The following PPP2CA variants were observed in gnomAD, a reference collection of about 807,000 sequenced individuals.
PPP2CA encodes the protein serine/threonine-protein phosphatase 2A catalytic subunit alpha isoform.
PPP2CA carries 5 observed loss-of-function variants against 38.8 expected under a neutral mutation model. That is an observed-to-expected ratio of 0.13 (90% CI 0.07 to 0.27). The LOEUF (loss-of-function observed/expected upper bound fraction) is 0.27, where lower values mean the gene tolerates loss of function less well. Ranked by LOEUF, PPP2CA falls within the 10% of genes least tolerant of loss-of-function variation. PPP2CA has a pLI of 1.00. For missense variants in PPP2CA, 88 were observed against 389.7 expected, an observed-to-expected ratio of 0.23 and a Z score of 6.52; for synonymous variants, 152 against 134.0, an observed-to-expected ratio of 1.13 and a Z score of -0.93.
chr5:134,201,291 C>T (rs750406468), intron 3 of PPP2CA, among the ~76,000 whole-genome samples: 6 of 152,162 alleles, frequency 3.9e-5, no homozygotes, highest in Non-Finnish European at 8.8e-5. Context: ...CATCACTTGG[C>T]CCCTCTGGTG....
Position 134,201,077 on chromosome 5 carries a change from G to GA in PPP2CA, c.487-4dup. The stretch of plus-strand genomic sequence containing the variant: ...AGACCACCATGTAGACAGAAGATCT[G>GA]AAAAGAGTGGTTTAAAAGGTTAACC... On this transcript the variant is annotated splice_polypyrimidine_tract_variant and splice_region_variant and intron_variant, in intron 3 of 6. Transcript: ENST00000481195. The GA allele has an allele frequency of 6.2e-7, 1 of 1,604,986 alleles. No individual in the cohort carries two copies. Among genetic ancestry groups the GA allele is most frequent in the Non-Finnish European group, 8.5e-7 (1 of 1,171,776 alleles).
intron 4 of PPP2CA, among the ~76,000 whole-genome samples, 172 bp from the exon 5 acceptor site, chr5:134,200,668 T>C (rs867402804): frequency 6.6e-6 from 1 of 152,352 alleles, no homozygotes; most frequent in Middle Eastern, 3.4e-3. Context: ...AGATGTATTT[T>C]CCAGCAGACT....
At chr5:134,199,262 C>A in intron 5 of PPP2CA, 58 bp from the exon 6 acceptor site, 1 of 1,304,444 alleles carries the variant, frequency 7.7e-7, no homozygotes, top group South Asian at 1.2e-5. Context: ...CTAAATGTTA[C>A]TTCACTCAAG....
chr5:134,198,165 C>T (rs1187045578), intron 6 of PPP2CA, among the ~76,000 whole-genome samples: 3 of 151,308 alleles, frequency 2.0e-5, no homozygotes, highest in Non-Finnish European at 2.9e-5. Context: ...CTGAGGCGGG[C>T]GGATCACGAG....
At chr5:134,201,154 G>GT in intron 3 of PPP2CA, 80 bp from the exon 4 acceptor site, 1 of 1,084,292 alleles carries the variant, frequency 9.2e-7, no homozygotes, top group Non-Finnish European at 1.4e-6. Flanking sequence ...GCTCATGCCT[G>GT]TAACCCCAGC....
In PPP2CA at chr5:134,195,102, G is replaced by A. The variant is rs955164349; in HGVS notation, c.*2670C>T. 3 of 152,016 alleles carry A rather than the reference G, an allele frequency of 2.0e-5. No homozygotes were observed. The highest frequency in any genetic ancestry group is 2.9e-5 in the Non-Finnish European group (2 of 68,012). The allele number at this position is 152,016 out of a possible 1,614,324, so 9.4% of individuals were successfully genotyped here. Reference sequence around the variant, plus strand: ...GACAAACTTCTATTTAAGAAATACCGACTACAACCAACAAATGTTTAATAT... The same window carrying A: ...GACAAACTTCTATTTAAGAAATACCAACTACAACCAACAAATGTTTAATAT... On this transcript the variant is annotated 3_prime_UTR_variant, in exon 7 of 7. Transcript: ENST00000481195.
chr5:134,218,438 TA>T (rs1012070212), intron 1 of PPP2CA, among the ~76,000 whole-genome samples: 13 of 152,336 alleles, frequency 8.5e-5, no homozygotes, highest in African/African-American at 2.9e-4. Context: ...CACAATAGAC[TA>T]AACTCAACCT....
At chr5:134,206,267 TA>T in intron 1 of PPP2CA, 136 bp from the exon 2 acceptor site, 1 of 712,866 alleles carries the variant, frequency 1.4e-6, no homozygotes, top group Non-Finnish European at 2.3e-6. Flanking sequence ...ATGAACCCAT[TA>T]AAATAAGTGA....
intron 1 of PPP2CA, among the ~76,000 whole-genome samples, chr5:134,211,825 T>C (rs1262368036): frequency 1.3e-5 from 2 of 151,938 alleles, no homozygotes; most frequent in Non-Finnish European, 2.9e-5. Context: ...CACTAACCAC[T>C]TATTATTTTT....
intron 4 of PPP2CA, 43 bp from the exon 5 acceptor site, chr5:134,200,539 G>C: frequency 6.3e-7 from 1 of 1,590,480 alleles, no homozygotes; most frequent in South Asian, 1.1e-5. Context: ...TTACAAACAT[G>C]GTTAACACAT....
intron 1 of PPP2CA, among the ~76,000 whole-genome samples, chr5:134,216,878 T>C (rs1054992928): frequency 1.3e-5 from 2 of 152,216 alleles, no homozygotes; most frequent in Admixed American, 1.3e-4. Flanking sequence ...GTCTTCTCTG[T>C]AGCATCAAAC....
At chr5:134,211,916 G>A (rs1037771175) in intron 1 of PPP2CA, among the ~76,000 whole-genome samples, 5 of 151,996 alleles carry the variant, frequency 3.3e-5, no homozygotes, top group East Asian at 1.9e-4. Flanking sequence ...TCGGGAGTTC[G>A]AAACCAGCCT....
At chr5:134,198,629 G>A (rs926580869) in intron 6 of PPP2CA, among the ~76,000 whole-genome samples, 1 of 152,082 alleles carries the variant, frequency 6.6e-6, no homozygotes, top group Admixed American at 6.6e-5. Context: ...GCAGTGGCGC[G>A]ATCTTGGCTC....
At chr5:134,221,946 CA>C (rs1041488089) in intron 1 of PPP2CA, among the ~76,000 whole-genome samples, 3 of 112,612 alleles carry the variant, frequency 2.7e-5, no homozygotes, top group African/African-American at 1.0e-4. Context: ...CCAGACTGGG[CA>C]AAAGAGTAAG....
chr5:134,222,473 T>C (rs1762466383), intron 1 of PPP2CA, among the ~76,000 whole-genome samples: 1 of 152,116 alleles, frequency 6.6e-6, no homozygotes, highest in Non-Finnish European at 1.5e-5. Flanking sequence ...TAATGACTAA[T>C]GACTGCACTT....
intron 1 of PPP2CA, among the ~76,000 whole-genome samples, chr5:134,210,445 G>T (rs1053468185): frequency 2.6e-5 from 4 of 152,136 alleles, no homozygotes; most frequent in African/African-American, 9.7e-5. Context: ...AGCAAAACAC[G>T]CATACCAAAC....
chr5:134,225,711 C>G (rs753866066), intron 1 of PPP2CA, 49 bp downstream of exon 1: 1 of 1,559,734 alleles, frequency 6.4e-7, no homozygotes, highest in South Asian at 1.1e-5. Flanking sequence ...GCCTTTTCCT[C>G]GGCGGGCTCG....
At chr5:134,201,759 T>TG (rs2149383358) in intron 3 of PPP2CA, 89 bp downstream of exon 3, 2 of 1,343,642 alleles carry the variant, frequency 1.5e-6, no homozygotes, top group South Asian at 2.7e-5. Flanking sequence ...CCCAAAGGGG[T>TG]GTTAAGAGTG....
intron 2 of PPP2CA, 94 bp downstream of exon 2, chr5:134,205,828 A>T: frequency 1.8e-6 from 2 of 1,103,168 alleles, no homozygotes; most frequent in Non-Finnish European, 1.3e-6. Flanking sequence ...ATTTTGTTTT[A>T]ACATTCAGAT....
Sources: gnomAD v4.1 joint callset for allele counts (sites outside exome capture counted in the v4.1 genomes callset) on GRCh38, gnomAD v4.1.1 for gene constraint, MANE v1.5 for transcripts, NCBI Gene and HGNC (gene_info 2026-07-23, HGNC 2026-07-21) for gene names.